The following ZNF155 variants were observed in gnomAD, a reference collection of about 807,000 sequenced individuals.
ZNF155 encodes the protein KRAB A domain.
ZNF155 carries 15 observed loss-of-function variants against 11.9 expected under a neutral mutation model. The observed-to-expected ratio is 1.26, with a 90% CI of 0.84 to 1.94. ZNF155 has a LOEUF of 1.94. ZNF155 is among the 30% of genes most tolerant of loss of function. ZNF155 has a pLI of 0.00. For missense variants in ZNF155, 602 were observed against 639.1 expected (o/e 0.94, Z 0.63); for synonymous variants, 212 against 219.9 (o/e 0.96, Z 0.32).
chr19:43,988,476 G>A lies in ZNF155; in HGVS notation c.-68G>A. 2.0e-6 allele frequency: 3 copies of A among 1,533,542 alleles called. No individual in the cohort carries two copies. Among genetic ancestry groups the A allele is most frequent in the Non-Finnish European group, 2.7e-6 (3 of 1,128,322 alleles). The allele number at this position is 1,533,542 out of a possible 1,614,324, so 95.0% of individuals were successfully genotyped here. On this transcript the variant is annotated 5_prime_UTR_variant, in exon 2 of 5. Transcript: ENST00000270014. The stretch of plus-strand genomic sequence containing the variant: ...TTCTGCAGACTGTGGCACGTTTCAG[G>A]CAGGATTCCTCCTTCATTCAAACTG...
chr19:43,987,974 G>A (rs1466040306), intron 1 of ZNF155, among the ~76,000 whole-genome samples: 1 of 152,070 alleles, frequency 6.6e-6, no homozygotes, highest in African/African-American at 2.4e-5. Context: ...TGGACTTCTT[G>A]TGCCCACTTA....
intron 2 of ZNF155, among the ~76,000 whole-genome samples, chr19:43,989,299 T>C (rs1975573503): frequency 1.3e-5 from 2 of 152,244 alleles, no homozygotes; most frequent in South Asian, 4.1e-4. Context: ...TCTCTTCTTA[T>C]TCATTTATGT....
Position 43,996,446 on chromosome 19 carries a change from G to C in ZNF155, c.589G>C (p.Val197Leu), listed in dbSNP as rs763866475. Residue 197 changes from valine to leucine, a missense_variant, in exon 5 of 5, where the codon GTC becomes CTC. Val to Leu is a conservative substitution (Grantham distance 32). Coordinates refer to ENST00000270014, the MANE Select transcript of ZNF155 (RefSeq NM_198089.3). The part of the protein sequence containing the change: ...YISALHVHQR[V>L]HVGEKLFMCD... ...CTCAGCTCTTCATGTTCATCAGAGA[G>C]TCCACGTGGGAGAGAAACTCTTTAT... The C allele has an allele frequency of 2.4e-5, 39 of 1,614,116 alleles. No homozygotes were observed. Among genetic ancestry groups the C allele is most frequent in the Non-Finnish European group, 3.3e-5 (39 of 1,180,050 alleles).
Position 43,998,141 on chromosome 19 carries a change from C to T in ZNF155, c.*667C>T, listed in dbSNP as rs575089004. 6.6e-6 allele frequency: 1 copy of T among 152,248 alleles called. No homozygotes were observed. The highest frequency in any genetic ancestry group is 1.9e-4 in the East Asian group (1 of 5,182). The allele number at this position is 152,248 out of a possible 1,614,324, so 9.4% of individuals were successfully genotyped here. The stretch of plus-strand genomic sequence containing the variant: ...ACTTCGGTTCCTGATTGGTCCCGGG[C>T]CAAGGTCCCAGACCAAGCTGAATCA... On this transcript the variant is annotated 3_prime_UTR_variant, in exon 5 of 5. Coordinates refer to ENST00000270014, the MANE Select transcript of ZNF155 (RefSeq NM_198089.3).
At chr19:43,987,689 A>G (rs910740027) in intron 1 of ZNF155, among the ~76,000 whole-genome samples, 3 of 152,220 alleles carry the variant, frequency 2.0e-5, no homozygotes, top group Non-Finnish European at 4.4e-5. Context: ...GGGGAGATAC[A>G]TTATTAATGG....
At chr19:43,990,925 G>C (rs1032335878) in intron 2 of ZNF155, among the ~76,000 whole-genome samples, 3 of 152,112 alleles carry the variant, frequency 2.0e-5, no homozygotes, top group African/African-American at 2.4e-5. Context: ...TACCCCAGAA[G>C]GCAGCCCACC....
chr19:43,996,668 C>T lies in ZNF155; in HGVS notation c.811C>T (p.His271Tyr), dbSNP rs1185943024. The change falls in exon 5 of 5, where the codon CAT becomes TAT. Residue 271 changes from histidine (H) to tyrosine (Y), a missense_variant. Physicochemically the swap from His to Tyr is moderately conservative, Grantham distance 83 (BLOSUM62 2). Transcript: ENST00000270014. Reference sequence around the variant, plus strand: ...TGAGGCATGTGGGAAGGCCTTCATTCATGATTCCCAGCTTAAGGAACATAA... The same window carrying T: ...TGAGGCATGTGGGAAGGCCTTCATTTATGATTCCCAGCTTAAGGAACATAA... ...ICEACGKAFI[H>Y]DSQLKEHKRI... The T allele has an allele frequency of 6.2e-7, 1 of 1,613,306 alleles. No homozygotes were observed. The highest frequency in any genetic ancestry group is 8.5e-7 in the Non-Finnish European group (1 of 1,179,814).
At position 43,997,348 on chromosome 19, in the gene ZNF155, A is replaced by G. The variant is rs1285532659; in HGVS notation, c.1491A>G (p.Thr497=). 6.2e-7 allele frequency: 1 copy of G among 1,613,888 alleles called. No individual in the cohort carries two copies. Among genetic ancestry groups the G allele is most frequent in the South Asian group, 1.1e-5 (1 of 91,054 alleles). Residue 497 remains threonine, a synonymous_variant, in exon 5 of 5, where the codon ACA becomes ACG. Transcript: ENST00000270014. ...GTGGAAAGAGGCTTGTACACAGGAC[A>G]TACCGTAAAGACCAGCCGAGAGACT... ...EDCGKRLVHR[T]YRKDQPRDYS...
At chr19:43,996,058 A>C in intron 4 of ZNF155, 35 bp from the exon 5 acceptor site, 6 of 1,554,302 alleles carry the variant, frequency 3.9e-6, no homozygotes, top group Non-Finnish European at 5.2e-6. Context: ...TAAAGGCTTC[A>C]CCTGTACACA....
At chr19:43,991,251 T>C (rs940147429) in intron 2 of ZNF155, among the ~76,000 whole-genome samples, 1 of 152,120 alleles carries the variant, frequency 6.6e-6, no homozygotes, top group African/African-American at 2.4e-5. Context: ...GTCGAACCTA[T>C]ATATGGGTAG....
In ZNF155 at chr19:43,997,272, T is replaced by G. The variant is rs1975932718; in HGVS notation, c.1415T>G (p.Leu472Trp). Residue 472 changes from leucine to tryptophan, a missense_variant, in exon 5 of 5, where the codon TTG becomes TGG. By Grantham distance (61) the Leu-to-Trp change is moderately conservative. Coordinates refer to ENST00000270014, the MANE Select transcript of ZNF155 (RefSeq NM_198089.3). ...GKNFSRASSI[L>W]NHKRLHCQKK... ...AACTTTAGCCGGGCCTCAAGTATTT[T>G]GAATCATAAGAGACTCCACTGCCAG... 6.2e-7 allele frequency: 1 copy of G among 1,614,114 alleles called. No homozygotes were observed. The highest frequency in any genetic ancestry group is 8.5e-7 in the Non-Finnish European group (1 of 1,180,006).
intron 2 of ZNF155, among the ~76,000 whole-genome samples, chr19:43,991,256 G>T (rs540723229): frequency 6.6e-6 from 1 of 152,214 alleles, no homozygotes; most frequent in East Asian, 1.9e-4. Flanking sequence ...ACCTATATAT[G>T]GGTAGCTCAG....
At chr19:43,989,293 T>G (rs1333347199) in intron 2 of ZNF155, among the ~76,000 whole-genome samples, 1 of 152,248 alleles carries the variant, frequency 6.6e-6, no homozygotes, top group Non-Finnish European at 1.5e-5. Flanking sequence ...TACTGGTCTC[T>G]TCTTATTCAT....
intron 2 of ZNF155, 78 bp from the exon 3 acceptor site, chr19:43,991,470 C>T (rs1975662583): frequency 2.5e-6 from 4 of 1,605,716 alleles, no homozygotes; most frequent in South Asian, 2.2e-5. Flanking sequence ...CCACTCATCC[C>T]CTTCCCCTGC....
chr19:43,986,447 G>GTTTTTTTTTT lies in ZNF155; in HGVS notation c.-85-2011_-85-2010insTTTTTTTTTT, dbSNP rs1470848913. Reference sequence around the variant, plus strand: ...TGCTCATCCAATATTATTCCCATTTGTGTTTTTTTTTTTTTTTTTTTAGAC... The same window carrying GTTTTTTTTTT: ...TGCTCATCCAATATTATTCCCATTTGTTTTTTTTTTTGTTTTTTTTTTTTTTTTTTTAGAC... On this transcript the variant is annotated intron_variant, in intron 1 of 4. Transcript: ENST00000270014. Among the ~76,000 whole-genome samples the GTTTTTTTTTT allele has an allele frequency of 1.4e-5, 2 of 142,182 alleles. 1 individual carries two copies. The allele number at this position is 142,182 out of a possible 152,430, so 93.3% of individuals were successfully genotyped here. A position where few individuals can be genotyped will look rare whatever the true frequency, so the allele number is the denominator to read the frequency against.
At chr19:43,991,740 T>C in intron 3 of ZNF155, 66 bp downstream of exon 3, 1 of 1,608,948 alleles carries the variant, frequency 6.2e-7, no homozygotes, top group Non-Finnish European at 8.5e-7. Context: ...CTTAGAGTGT[T>C]CAAGTTTGAG....
chr19:43,996,000 T>A, intron 4 of ZNF155, 93 bp from the exon 5 acceptor site: 1 of 1,444,346 alleles, frequency 6.9e-7, no homozygotes, highest in South Asian at 1.5e-5. Flanking sequence ...TCTGTATTCA[T>A]TAAAGTTTAA....
In ZNF155 at chr19:43,997,178, T is replaced by C; in HGVS notation, c.1321T>C (p.Phe441Leu). Reference protein sequence around the residue: ...EECGKGYVTKFNLDLHQRVHT... With the variant: ...EECGKGYVTKLNLDLHQRVHT... The stretch of plus-strand genomic sequence containing the variant: ...GTGTGGGAAGGGCTATGTTACTAAG[T>C]TTAATCTTGACTTGCACCAGAGGGT... The change falls in exon 5 of 5, where the codon TTT becomes CTT. Residue 441 changes from phenylalanine to leucine, a missense_variant. Phe to Leu is a conservative substitution (Grantham distance 22). Transcript: ENST00000270014. 3 of 1,614,062 alleles carry C rather than the reference T, an allele frequency of 1.9e-6. No individual in the cohort carries two copies. The highest frequency in any genetic ancestry group is 2.5e-6 in the Non-Finnish European group (3 of 1,179,990).
Position 43,986,277 on chromosome 19 carries a change from TTC to T in ZNF155, c.-86+2036_-86+2037del, listed in dbSNP as rs143571340. 1.2e-3 allele frequency among the ~76,000 whole-genome samples: 189 copies of T among 152,242 alleles called. 1 individual carries two copies. The highest frequency in any genetic ancestry group is 4.3e-3 in the African/African-American group (178 of 41,530). ...GTTCTCCTCCGTTTCTTTTTAGTCT[TTC>T]TCTGTGTCTATTGTATATTTATTTA... On this transcript the variant is annotated intron_variant, in intron 1 of 4. Coordinates refer to ENST00000270014, the MANE Select transcript of ZNF155 (RefSeq NM_198089.3).
Sources: allele counts gnomAD v4.1 joint callset (sites outside exome capture counted in the v4.1 genomes callset), GRCh38; gene constraint gnomAD v4.1.1; transcripts MANE v1.5; gene names NCBI Gene and HGNC (gene_info 2026-07-23, HGNC 2026-07-21).